The following DCAF8L2 variants were observed in gnomAD, a reference collection of about 807,000 sequenced individuals.
DCAF8L2 encodes the protein DDB1- and CUL4-associated factor 8-like protein 2.
For missense variants in DCAF8L2, 430 were observed against 490.7 expected (o/e 0.88, Z 1.17); for synonymous variants, 200 against 190.9 (o/e 1.05, Z -0.39).
intron 3 of DCAF8L2, among the ~76,000 whole-genome samples, chrX:27,683,965 C>T (rs1205800736): frequency 2.7e-5 from 3 of 112,434 alleles, no homozygotes; most frequent in African/African-American, 9.7e-5. Flanking sequence ...TAGGATACAC[C>T]TATAGTGGAG....
At chrX:27,694,957 C>T (rs1930841525) in intron 3 of DCAF8L2, among the ~76,000 whole-genome samples, 2 of 112,114 alleles carry the variant, frequency 1.8e-5, no homozygotes, top group Admixed American at 9.5e-5. Flanking sequence ...GAAGGACCAC[C>T]TCATAGAGTT....
chrX:27,731,272 G>T (rs909678267), intron 4 of DCAF8L2, among the ~76,000 whole-genome samples: 3 of 110,708 alleles, frequency 2.7e-5, no homozygotes, highest in Non-Finnish European at 3.8e-5. Flanking sequence ...TTAGCTGGGC[G>T]TGGTGGCACG....
intron 2 of DCAF8L2, among the ~76,000 whole-genome samples, chrX:27,640,681 C>T (rs1394386988): frequency 8.9e-6 from 1 of 112,095 alleles, no homozygotes; most frequent in African/African-American, 3.2e-5. Flanking sequence ...TTGGTTCTAT[C>T]ATTTCACATT....
At chrX:27,568,538 ACT>A in the DCAF8L2 span, among the ~76,000 whole-genome samples, 1 of 111,115 alleles carries the variant, frequency 9.0e-6, no homozygotes, top group South Asian at 3.7e-4. Flanking sequence ...TTAAACTAAA[ACT>A]CAGTTATAAC....
At chrX:27,663,469 A>G (rs1165543530) in intron 2 of DCAF8L2, among the ~76,000 whole-genome samples, 2 of 111,260 alleles carry the variant, frequency 1.8e-5, no homozygotes, top group African/African-American at 6.5e-5. Context: ...TTTTTATTGT[A>G]TCTGTTGTGG....
rs181199655 is a variant in DCAF8L2, at chrX:27,661,096, G to A, written c.-219-16740G>A. On this transcript the variant is annotated intron_variant, in intron 2 of 4. Coordinates refer to ENST00000451261, the MANE Select transcript of DCAF8L2 (RefSeq NM_001353450.2). ...TGCTGGGGTGTGAGTCAGACCCAGT[G>A]TGAATTCCCTGTCTGGGATAATGCA... is the stretch of plus-strand genomic sequence containing the variant. Among the ~76,000 whole-genome samples, 374 of 111,560 alleles carry A rather than the reference G, an allele frequency of 3.4e-3. 1 individual carries two copies. The highest frequency in any genetic ancestry group is 0.014 in the Middle Eastern group (3 of 213).
intron 1 of DCAF8L2, among the ~76,000 whole-genome samples, chrX:27,597,285 A>G (rs1487126712): frequency 9.0e-6 from 1 of 111,624 alleles, no homozygotes; most frequent in Non-Finnish European, 1.9e-5. Context: ...CAGAACTTAA[A>G]AATTCTGAAT....
At chrX:27,474,562 A>G in the DCAF8L2 span, among the ~76,000 whole-genome samples, 1 of 112,060 alleles carries the variant, frequency 8.9e-6, no homozygotes, top group Non-Finnish European at 1.9e-5. Context: ...TGGAACTATT[A>G]CCTACTTCAT....
chrX:27,686,972 A>C (rs5926856), intron 3 of DCAF8L2, among the ~76,000 whole-genome samples: 32,180 of 111,128 alleles, frequency 0.29, 3,991 homozygotes, highest in Middle Eastern at 0.45. Flanking sequence ...TAATGCTGCC[A>C]CTGATCTGAC....
At chrX:27,686,363 A>G (rs1283349231) in intron 3 of DCAF8L2, among the ~76,000 whole-genome samples, 3 of 111,745 alleles carry the variant, frequency 2.7e-5, no homozygotes, top group Non-Finnish European at 5.6e-5. Context: ...TGGATGAAGA[A>G]AATGTGATAT....
chrX:27,491,889 A>G, the DCAF8L2 span, among the ~76,000 whole-genome samples: 1 of 112,227 alleles, frequency 8.9e-6, no homozygotes, highest in South Asian at 3.7e-4. Flanking sequence ...TGGTATAGAG[A>G]AATGGAATTA....
the DCAF8L2 span, among the ~76,000 whole-genome samples, chrX:27,533,233 AG>A: frequency 9.3e-4 from 36 of 38,536 alleles, no homozygotes; most frequent in Non-Finnish European, 2.0e-3. Context: ...AAAGAAAGAA[AG>A]AGAAAGAAAG....
the DCAF8L2 span, among the ~76,000 whole-genome samples, chrX:27,514,695 A>AAC: frequency 1.3e-4 from 10 of 75,464 alleles, 1 homozygote; most frequent in South Asian, 9.4e-4. Flanking sequence ...AAAAAAAAAA[A>AAC]CAAAAAAAAA....
intron 4 of DCAF8L2, among the ~76,000 whole-genome samples, chrX:27,742,259 T>C (rs2147338191): frequency 9.0e-6 from 1 of 110,607 alleles, no homozygotes; most frequent in African/African-American, 3.3e-5. Context: ...AAGCGCAGGG[T>C]AAATGGGGTG....
At chrX:27,700,502 T>C (rs1410263944) in intron 3 of DCAF8L2, among the ~76,000 whole-genome samples, 2 of 111,227 alleles carry the variant, frequency 1.8e-5, no homozygotes, top group Admixed American at 9.6e-5. Context: ...CATTGACTTA[T>C]AGTCAAGCAA....
chrX:27,616,669 C>T (rs1376486044), intron 1 of DCAF8L2, among the ~76,000 whole-genome samples: 2 of 111,248 alleles, frequency 1.8e-5, no homozygotes, highest in East Asian at 2.8e-4. Flanking sequence ...TACGTTGATT[C>T]TCTCTTAAGG....
chrX:27,571,475 C>G, the DCAF8L2 span, among the ~76,000 whole-genome samples: 1 of 111,883 alleles, frequency 8.9e-6, no homozygotes, highest in Non-Finnish European at 1.9e-5. Context: ...CTCAATAATT[C>G]TGGCATTGCG....
chrX:27,609,447 C>G (rs1489086610), intron 1 of DCAF8L2, among the ~76,000 whole-genome samples: 1 of 111,613 alleles, frequency 9.0e-6, no homozygotes, highest in African/African-American at 3.3e-5. Flanking sequence ...TCTGAAAATT[C>G]TGGCTACATT....
At chrX:27,514,438 G>A in the DCAF8L2 span, among the ~76,000 whole-genome samples, 2 of 108,757 alleles carry the variant, frequency 1.8e-5, no homozygotes, top group Admixed American at 9.8e-5. Flanking sequence ...GGGAGGCCAA[G>A]GCAGGCGGAT....
Sources: allele counts gnomAD v4.1 joint callset (sites outside exome capture counted in the v4.1 genomes callset), GRCh38; gene constraint gnomAD v4.1.1; transcripts MANE v1.5; gene names NCBI Gene and HGNC (gene_info 2026-07-23, HGNC 2026-07-21).